VCAN: variants seen among roughly 807,000 people sequenced by gnomAD.
The protein encoded by VCAN is versican core protein.
A neutral mutation model predicts 245.5 loss-of-function variants in VCAN; 44 were observed. That is an observed-to-expected ratio of 0.18 (90% CI 0.14 to 0.23). VCAN has a LOEUF of 0.23. Ranked by LOEUF, VCAN falls within the 10% of genes least tolerant of loss-of-function variation. The pLI is 1.00. For missense variants in VCAN, 3,793 were observed against 4,057.9 expected (o/e 0.93, Z 1.77); for synonymous variants, 1,413 against 1,437.0 (o/e 0.98, Z 0.38).
At chr5:83,565,071 C>T (rs935920784) in intron 12 of VCAN, among the ~76,000 whole-genome samples, 1 of 152,036 alleles carries the variant, frequency 6.6e-6, no homozygotes, top group African/African-American at 2.4e-5. Flanking sequence ...CAAGATTTGC[C>T]GCCCCAGTTA....
intron 13 of VCAN, among the ~76,000 whole-genome samples, chr5:83,574,485 T>C (rs564786485): frequency 2.0e-5 from 3 of 152,230 alleles, no homozygotes; most frequent in Non-Finnish European, 4.4e-5. Flanking sequence ...AAAAATGCAC[T>C]AATCCCTTCC....
intron 3 of VCAN, among the ~76,000 whole-genome samples, chr5:83,492,059 T>C (rs1745002308): frequency 6.6e-6 from 1 of 152,096 alleles, no homozygotes; most frequent in African/African-American, 2.4e-5. Flanking sequence ...ATTTGAGTCA[T>C]AAAATATCAG....
At chr5:83,570,104 T>A (rs553556562) in intron 12 of VCAN, among the ~76,000 whole-genome samples, 1 of 152,236 alleles carries the variant, frequency 6.6e-6, no homozygotes, top group East Asian at 1.9e-4. Flanking sequence ...CAGGGAGACC[T>A]ACCAGTCAAG....
At chr5:83,513,265 A>G (rs570789655) in intron 6 of VCAN, among the ~76,000 whole-genome samples, 1 of 152,342 alleles carries the variant, frequency 6.6e-6, no homozygotes, top group South Asian at 2.1e-4. Context: ...GACCTTGGGT[A>G]ATATCCAAGA....
chr5:83,541,428 G>A lies in VCAN; in HGVS notation c.8425G>A (p.Asp2809Asn), dbSNP rs139471788. The A allele has an allele frequency of 3.6e-5, 58 of 1,614,016 alleles. No individual in the cohort carries two copies. The African/African-American group carries it at 6.9e-4, about 19-fold the overall frequency. Residue 2809 changes from aspartate (D) to asparagine (N), a missense_variant, in exon 8 of 15, where the codon GAT becomes AAT. Transcript: ENST00000265077. ...MEGSNPPYYT[D>N]TTLAVSTFAK... is the part of the protein sequence containing the mutation. The stretch of plus-strand genomic sequence containing the variant: ...AGGATCCAATCCCCCATATTACACT[G>A]ATACAACATTAGCAGTTTCAACATT...
At chr5:83,548,330 C>T (rs559527799) in intron 10 of VCAN, among the ~76,000 whole-genome samples, 24 of 152,228 alleles carry the variant, frequency 1.6e-4, no homozygotes, top group African/African-American at 5.8e-4. Context: ...GGAATATTAT[C>T]GTATGTATTT....
In VCAN at chr5:83,521,046, G is replaced by A; in HGVS notation, c.2740G>A (p.Gly914Ser). The change falls in exon 7 of 15, where the codon GGC (glycine) becomes AGC (serine). Residue 914 changes from glycine to serine, a missense_variant. By Grantham distance (56) the Gly-to-Ser change is moderately conservative (BLOSUM62 0). Around this residue, in one of 5 missense-constraint regions of VCAN, gnomAD observed 3,182 missense variants for 3,250.3 expected, o/e 0.98. Transcript: ENST00000265077. ...AGTTCCACCTATCACAAGCACTGAA[G>A]GCCAAGTTTATGCAACCATGGAAGG... ...EKVPPITSTE[G>S]QVYATMEGSA... The A allele has an allele frequency of 1.9e-6, 3 of 1,614,080 alleles. No homozygotes were observed. Among genetic ancestry groups the A allele is most frequent in the Non-Finnish European group, 2.5e-6 (3 of 1,179,996 alleles).
At chr5:83,489,874 A>G (rs1744914962) in intron 2 of VCAN, among the ~76,000 whole-genome samples, 1 of 151,920 alleles carries the variant, frequency 6.6e-6, no homozygotes, top group African/African-American at 2.4e-5. Flanking sequence ...TTTAAAATGA[A>G]TGATGCCACA....
chr5:83,502,878 C>T (rs1745374076), intron 5 of VCAN, among the ~76,000 whole-genome samples: 1 of 152,104 alleles, frequency 6.6e-6, no homozygotes, highest in East Asian at 1.9e-4. Flanking sequence ...AGGGGGCCCT[C>T]CTAGCTTTCT....
intron 11 of VCAN, 36 bp from the exon 12 acceptor site, chr5:83,554,920 G>T (rs1379455066): frequency 7.0e-6 from 11 of 1,580,188 alleles, no homozygotes; most frequent in Non-Finnish European, 9.6e-6. Flanking sequence ...ATATGGAAAA[G>T]TAGTACAAAT....
intron 1 of VCAN, among the ~76,000 whole-genome samples, chr5:83,478,024 C>A (rs2112333812): frequency 6.7e-6 from 1 of 149,882 alleles, no homozygotes; most frequent in East Asian, 2.0e-4. Context: ...CTCACTGCAA[C>A]CTCCGCCTTC....
chr5:83,518,078 T>C (rs188843136), intron 6 of VCAN, among the ~76,000 whole-genome samples: 54 of 152,326 alleles, frequency 3.5e-4, no homozygotes, highest in African/African-American at 1.3e-3. Flanking sequence ...ATAGATACTA[T>C]GGCTATTACA....
At chr5:83,574,538 A>AT (rs1561277465) in intron 13 of VCAN, among the ~76,000 whole-genome samples, 1 of 152,146 alleles carries the variant, frequency 6.6e-6, no homozygotes, top group Admixed American at 6.6e-5. Flanking sequence ...GGATTTTAAT[A>AT]TTTCAGAATT....
At chr5:83,579,738 A>G (rs899636823) in intron 13 of VCAN, among the ~76,000 whole-genome samples, 2 of 152,160 alleles carry the variant, frequency 1.3e-5, no homozygotes, top group African/African-American at 4.8e-5. Flanking sequence ...ATGTATGACC[A>G]TTTAGTCCTA....
In VCAN at chr5:83,522,286, T is replaced by C. The variant is rs1746139642; in HGVS notation, c.3980T>C (p.Ile1327Thr). 1.3e-6 allele frequency: 2 copies of C among 1,599,006 alleles called. No individual in the cohort carries two copies. Among genetic ancestry groups the C allele is most frequent in the Non-Finnish European group, 8.5e-7 (1 of 1,179,900 alleles). Residue 1327 changes from isoleucine to threonine, a missense_variant, in exon 7 of 15, where the codon ATT becomes ACT. Ile to Thr is a moderately conservative substitution (Grantham distance 89). Coordinates refer to ENST00000265077, the MANE Select transcript of VCAN (RefSeq NM_004385.5). Reference protein sequence around the residue: ...KFHPDINVYIIEVRENKTGRM... With the variant: ...KFHPDINVYITEVRENKTGRM... ...CACCCTGACATTAATGTTTATATTATTGAGGTCAGAGAAAATAAGACAGGT... is the reference window on the plus strand; with the variant it reads ...CACCCTGACATTAATGTTTATATTACTGAGGTCAGAGAAAATAAGACAGGT...
chr5:83,505,383 TGGCCAAAAACAAAGGGGTTACAGGG>T (rs1454989233), intron 5 of VCAN, among the ~76,000 whole-genome samples: 1 of 152,172 alleles, frequency 6.6e-6, no homozygotes, highest in African/African-American at 2.4e-5. Flanking sequence ...TGGGAGAATT[TGGCCAAAAACAAAGGGGTTACAGGG>T]CCCATGCAAG....
intron 5 of VCAN, 91 bp downstream of exon 5, chr5:83,494,022 T>A: frequency 6.3e-7 from 1 of 1,599,088 alleles, no homozygotes. Flanking sequence ...TCTTCGTGCT[T>A]GTTTGGATTC....
At chr5:83,569,475 T>C (rs560008546) in intron 12 of VCAN, among the ~76,000 whole-genome samples, 7 of 152,252 alleles carry the variant, frequency 4.6e-5, no homozygotes, top group African/African-American at 1.7e-4. Flanking sequence ...GATACAGTAA[T>C]GAGCAAAAGA....
intron 6 of VCAN, among the ~76,000 whole-genome samples, chr5:83,517,245 G>A (rs990803749): frequency 7.9e-5 from 12 of 152,102 alleles, no homozygotes; most frequent in African/African-American, 2.9e-4. Context: ...TATTTTCATA[G>A]CATTGTAGAA....
Sources: gnomAD v4.1 joint callset for allele counts (sites outside exome capture counted in the v4.1 genomes callset) on GRCh38, gnomAD v4.1.1 for gene constraint, gnomAD v4.1.1 regional missense constraint, MANE v1.5 for transcripts, NCBI Gene and HGNC (gene_info 2026-07-23, HGNC 2026-07-21) for gene names.